Variants in SWT1 observed in about 807,000 individuals in gnomAD.
SWT1 encodes the protein transcriptional protein SWT1.
A neutral mutation model predicts 107.3 loss-of-function variants in SWT1; 33 were observed. The observed-to-expected ratio is 0.31, with a 90% CI of 0.23 to 0.41. The LOEUF is 0.41. SWT1 is among the 10% of genes least tolerant of loss of function. The pLI, the probability that SWT1 is intolerant of heterozygous loss-of-function variation, is 1.00. For missense variants in SWT1, 898 were observed against 1,028.9 expected (o/e 0.87, Z 1.74); for synonymous variants, 345 against 348.3 (o/e 0.99, Z 0.11).
At chr1:185,269,053 C>T (rs1194436956) in intron 16 of SWT1, among the ~76,000 whole-genome samples, 5 of 151,984 alleles carry the variant, frequency 3.3e-5, no homozygotes, top group Non-Finnish European at 5.9e-5. Flanking sequence ...GGGGTTTCAC[C>T]GTGTTAGCCA....
chr1:185,159,478 G>A (rs1653952184), intron 1 of SWT1, among the ~76,000 whole-genome samples: 1 of 152,184 alleles, frequency 6.6e-6, no homozygotes, highest in South Asian at 2.1e-4. Flanking sequence ...GGTGGACAGA[G>A]GAACTACAGT....
chr1:185,181,861 GAATT>G (rs1656043842), intron 6 of SWT1, 81 bp from the exon 7 acceptor site: 1 of 1,423,130 alleles, frequency 7.0e-7, no homozygotes, highest in African/African-American at 1.4e-5. Context: ...CATCTCAAGT[GAATT>G]AATTAAGAAT....
intron 2 of SWT1, 77 bp downstream of exon 2, chr1:185,161,002 T>C: frequency 9.9e-7 from 1 of 1,010,066 alleles, no homozygotes; most frequent in South Asian, 1.5e-5. Context: ...ACCTTACTAT[T>C]ATAATGATTT....
intron 18 of SWT1, among the ~76,000 whole-genome samples, chr1:185,283,948 AT>A (rs1214282309): frequency 6.6e-6 from 1 of 152,148 alleles, no homozygotes; most frequent in Admixed American, 6.5e-5. Context: ...CTCTTTGTGT[AT>A]AAATATTTGA....
intron 16 of SWT1, among the ~76,000 whole-genome samples, chr1:185,238,661 A>C (rs900276413): frequency 2.6e-5 from 4 of 152,292 alleles, no homozygotes; most frequent in African/African-American, 9.6e-5. Context: ...ATTGTGAATA[A>C]ACTGGTTTGC....
intron 16 of SWT1, among the ~76,000 whole-genome samples, chr1:185,259,956 G>A (rs906212998): frequency 4.6e-5 from 7 of 152,118 alleles, no homozygotes; most frequent in Non-Finnish European, 1.0e-4. Flanking sequence ...TCAGCAGTAC[G>A]TTTGCAAACC....
At chr1:185,203,624 A>G (rs1367849413) in intron 11 of SWT1, among the ~76,000 whole-genome samples, 5 of 143,646 alleles carry the variant, frequency 3.5e-5, no homozygotes, top group Admixed American at 7.0e-5. Context: ...TCCGTCTCAG[A>G]AAAAAAAAAA....
chr1:185,205,492 C>A (rs568489682), intron 12 of SWT1, among the ~76,000 whole-genome samples: 21 of 152,162 alleles, frequency 1.4e-4, no homozygotes, highest in Non-Finnish European at 2.4e-4. Context: ...CCTCAGCCCC[C>A]CAAGCAGCTG....
At chr1:185,257,441 G>GGCGTAGGACCCTCCGAGC (rs1662653082) in intron 16 of SWT1, among the ~76,000 whole-genome samples, 1 of 152,146 alleles carries the variant, frequency 6.6e-6, no homozygotes, top group Admixed American at 6.5e-5. Context: ...AGACTCCGTG[G>GGCGTAGGACCCTCCGAGC]GCGTAGGACC....
rs1660519397 is a variant in SWT1 at position 185,231,724 on chromosome 1, AT to A, written c.2441+20del. 1 of 1,579,716 alleles carries A rather than the reference AT, an allele frequency of 6.3e-7. No homozygotes were observed. ...GAATTCAAAGGTAAACACTATATTA[AT>A]TTTAAAGTGTTATTTACTTATTACT... On this transcript the variant is annotated intron_variant, in intron 16 of 18. Transcript: ENST00000367500.
At chr1:185,216,476 A>T (rs992268626) in intron 14 of SWT1, among the ~76,000 whole-genome samples, 1 of 152,208 alleles carries the variant, frequency 6.6e-6, no homozygotes, top group Non-Finnish European at 1.5e-5. Context: ...AATTAAGATT[A>T]TTGAGAATAA....
chr1:185,201,459 G>A lies in SWT1; in HGVS notation c.1524-1195G>A, dbSNP rs189615544. The stretch of plus-strand genomic sequence containing the variant: ...TATAGTGTCTGGGCCGGAGTGCACC[G>A]TTCCTCAGGGCACAGTCCCTCACAG... On this transcript the variant is annotated intron_variant, in intron 10 of 18. Coordinates refer to ENST00000367500, the MANE Select transcript of SWT1 (RefSeq NM_017673.7). Among the ~76,000 whole-genome samples the A allele has an allele frequency of 1.5e-3, 224 of 152,264 alleles. 2 individuals carry two copies. Among genetic ancestry groups the A allele is most frequent in the African/African-American group, 4.5e-3 (187 of 41,566 alleles).
In SWT1 at chr1:185,159,012, G is replaced by A. The variant is rs183120850; in HGVS notation, c.-10+1698G>A. The stretch of plus-strand genomic sequence containing the variant: ...AGTTGGTTCTGGTTGTTGGCAAGAT[G>A]CCAGTAGTTCTTCCCTTGCGAGCCT... On this transcript the variant is annotated intron_variant, in intron 1 of 18. Transcript: ENST00000367500. Among the ~76,000 whole-genome samples, 13 of 152,282 alleles carry A rather than the reference G, an allele frequency of 8.5e-5. No individual in the cohort carries two copies. In the East Asian group the frequency reaches 2.1e-3, roughly 25 times the overall value.
intron 15 of SWT1, among the ~76,000 whole-genome samples, chr1:185,223,941 C>G (rs1196587856): frequency 3.9e-5 from 6 of 151,992 alleles, no homozygotes; most frequent in Non-Finnish European, 7.4e-5. Flanking sequence ...AGGATAATGC[C>G]CTGTATACAC....
chr1:185,184,798 T>C lies in SWT1; in HGVS notation c.1296T>C (p.Arg432=). The C allele has an allele frequency of 6.2e-7, 1 of 1,607,750 alleles. No homozygotes were observed. Among genetic ancestry groups the C allele is most frequent in the Non-Finnish European group, 8.5e-7 (1 of 1,177,574 alleles). Residue 432 remains arginine (R), a synonymous_variant, in exon 9 of 19, where the codon CGT becomes CGC. Transcript: ENST00000367500. ...GGGTCGTTATGCAAGAGCTAGATCG[T>C]ATGAAGGAAGGAAAACTACTAAAAC... The part of the protein sequence containing the change: ...IPWVVMQELD[R]MKEGKLLKRA...
chr1:185,271,672 C>G (rs111314838), intron 17 of SWT1, among the ~76,000 whole-genome samples: 9 of 152,208 alleles, frequency 5.9e-5, no homozygotes, highest in African/African-American at 2.2e-4. Flanking sequence ...ACAGTTAACC[C>G]TTTTTGTGTA....
At chr1:185,287,787 C>G (rs1278803204) in intron 18 of SWT1, among the ~76,000 whole-genome samples, 1 of 152,168 alleles carries the variant, frequency 6.6e-6, no homozygotes, top group Non-Finnish European at 1.5e-5. Context: ...CTATGAAAAA[C>G]AGCCAATACT....
intron 16 of SWT1, among the ~76,000 whole-genome samples, chr1:185,259,214 C>G (rs538206778): frequency 6.6e-6 from 1 of 152,224 alleles, no homozygotes; most frequent in East Asian, 1.9e-4. Flanking sequence ...TCGTGTGCTG[C>G]CTTTCTCTTG....
At chr1:185,285,345 A>T (rs940512127) in intron 18 of SWT1, among the ~76,000 whole-genome samples, 1 of 152,212 alleles carries the variant, frequency 6.6e-6, no homozygotes, top group Non-Finnish European at 1.5e-5. Flanking sequence ...TACTGTGGCA[A>T]GAAGTGAATA....
Sources: gnomAD v4.1 joint callset for allele counts (sites outside exome capture counted in the v4.1 genomes callset) on GRCh38, gnomAD v4.1.1 for gene constraint, MANE v1.5 for transcripts, NCBI Gene and HGNC (gene_info 2026-07-23, HGNC 2026-07-21) for gene names.